ANKRD13C: variants seen among roughly 807,000 people sequenced by gnomAD.
The protein encoded by ANKRD13C is ankyrin repeat domain-containing protein 13C.
In ANKRD13C, 16 loss-of-function variants were observed where a neutral mutation model predicts 65.5. The observed-to-expected ratio is 0.24, with a 90% CI of 0.17 to 0.37. ANKRD13C has a LOEUF of 0.37. ANKRD13C is among the 10% of genes least tolerant of loss of function. The probability of loss-of-function intolerance (pLI) is 1.00; values close to 1 mark genes in which losing one functional copy is unlikely to be tolerated. For synonymous variants in ANKRD13C, 235 were observed against 238.7 expected, an observed-to-expected ratio of 0.98 and a Z score of 0.14; for missense variants, 503 against 655.9, an observed-to-expected ratio of 0.77 and a Z score of 2.55.
Position 70,261,295 on chromosome 1 carries a change from T to A in ANKRD13C, c.*1422A>T, listed in dbSNP as rs777178664. ...ACGGTTTATGCTTTGGATTTTTAAATCATATTTTCAATAAGGGTCTCTAAA... is the reference window on the plus strand; with the variant it reads ...ACGGTTTATGCTTTGGATTTTTAAAACATATTTTCAATAAGGGTCTCTAAA... On this transcript the variant is annotated 3_prime_UTR_variant, in exon 13 of 13. Transcript: ENST00000370944. The A allele has an allele frequency of 6.6e-6, 1 of 152,116 alleles. No homozygotes were observed. Among genetic ancestry groups the A allele is most frequent in the African/African-American group, 2.4e-5 (1 of 41,450 alleles). 9.4% of individuals were successfully genotyped at this position (152,116 alleles called of 1,614,324 possible). A position where few individuals can be genotyped will look rare whatever the true frequency, so the allele number is the denominator to read the frequency against.
intron 11 of ANKRD13C, among the ~76,000 whole-genome samples, chr1:70,271,667 C>A (rs1485699278): frequency 6.6e-6 from 1 of 152,028 alleles, no homozygotes; most frequent in African/African-American, 2.4e-5. Context: ...CTTTTCTGCC[C>A]GGATGCCTTT....
At chr1:70,300,106 T>A (rs1319972816) in intron 7 of ANKRD13C, among the ~76,000 whole-genome samples, 1 of 151,956 alleles carries the variant, frequency 6.6e-6, no homozygotes, top group Non-Finnish European at 1.5e-5. Context: ...ATAAAGATGG[T>A]CAACAACATT....
At chr1:70,306,322 ACTAC>A (rs1680586277) in intron 5 of ANKRD13C, 32 bp from the exon 6 acceptor site, 1 of 1,411,072 alleles carries the variant, frequency 7.1e-7, no homozygotes. Context: ...GTAAAAAATA[ACTAC>A]CTAAATTTTG....
At chr1:70,318,236 G>C (rs1312414358) in intron 3 of ANKRD13C, among the ~76,000 whole-genome samples, 1 of 152,088 alleles carries the variant, frequency 6.6e-6, no homozygotes, top group Non-Finnish European at 1.5e-5. Flanking sequence ...TAACAATGAA[G>C]ATTAAAATTA....
intron 9 of ANKRD13C, among the ~76,000 whole-genome samples, chr1:70,287,394 AAAAT>A (rs1437999654): frequency 6.6e-6 from 1 of 151,960 alleles, no homozygotes; most frequent in African/African-American, 2.4e-5. Flanking sequence ...AGGCAAAAAA[AAAAT>A]AAATAAACCT....
chr1:70,315,055 A>G (rs1412444618), intron 4 of ANKRD13C, among the ~76,000 whole-genome samples: 1 of 152,212 alleles, frequency 6.6e-6, no homozygotes, highest in Non-Finnish European at 1.5e-5. Context: ...CCTGGGTAAT[A>G]TGGTGAAACC....
At chr1:70,266,524 C>T (rs1437561253) in intron 12 of ANKRD13C, among the ~76,000 whole-genome samples, 1 of 152,132 alleles carries the variant, frequency 6.6e-6, no homozygotes, top group Non-Finnish European at 1.5e-5. Flanking sequence ...AGGTTCTTTG[C>T]CTTTCCATCC....
At chr1:70,353,338 G>A (rs180848549) in intron 1 of ANKRD13C, among the ~76,000 whole-genome samples, 1 of 152,154 alleles carries the variant, frequency 6.6e-6, no homozygotes, top group African/African-American at 2.4e-5. Flanking sequence ...ATTACTATTA[G>A]CAATTATCTA....
At chr1:70,308,216 G>C (rs777606160) in intron 5 of ANKRD13C, among the ~76,000 whole-genome samples, 1 of 151,894 alleles carries the variant, frequency 6.6e-6, no homozygotes, top group East Asian at 1.9e-4. Context: ...GGTTGGTCTT[G>C]AACTCCTAGC....
In ANKRD13C at chr1:70,354,717, T is replaced by A. The variant is rs950447088; in HGVS notation, c.-309A>T. ...AAAACAGGGCACGGCCATCTTCCTC[T>A]TGCTCCTCTCGCGAGAGCTCCCCCA... On this transcript the variant is annotated 5_prime_UTR_variant, in exon 1 of 13. The change creates a new upstream start codon in the 5' untranslated region. Transcript: ENST00000370944. 3 of 731,580 alleles carry A rather than the reference T, an allele frequency of 4.1e-6. No individual in the cohort carries two copies. Among genetic ancestry groups the A allele is most frequent in the Admixed American group, 5.9e-5 (2 of 34,088 alleles). The allele number at this position is 731,580 out of a possible 1,614,324, so 45.3% of individuals were successfully genotyped here.
At chr1:70,308,311 G>T (rs937911830) in intron 5 of ANKRD13C, among the ~76,000 whole-genome samples, 1 of 151,768 alleles carries the variant, frequency 6.6e-6, no homozygotes, top group African/African-American at 2.4e-5. Context: ...TATATCTTTT[G>T]AAGTAATTAT....
chr1:70,291,985 A>G (rs1427196205), intron 9 of ANKRD13C, among the ~76,000 whole-genome samples: 1 of 151,624 alleles, frequency 6.6e-6, no homozygotes, highest in Admixed American at 6.6e-5. Flanking sequence ...CAGGCCTGGT[A>G]GCAGGGCCTG....
chr1:70,293,935 T>A (rs1181369766), intron 8 of ANKRD13C, among the ~76,000 whole-genome samples: 2 of 152,250 alleles, frequency 1.3e-5, no homozygotes, highest in South Asian at 2.1e-4. Context: ...TGTAAAAGGA[T>A]GATAAACACA....
chr1:70,267,710 T>A (rs1257701633), intron 12 of ANKRD13C, among the ~76,000 whole-genome samples: 1 of 152,224 alleles, frequency 6.6e-6, no homozygotes, highest in African/African-American at 2.4e-5. Flanking sequence ...TTTCTTGCCA[T>A]CCTTAGGTTA....
chr1:70,305,963 G>A (rs1242092250), intron 6 of ANKRD13C: 1 of 189,782 alleles, frequency 5.3e-6, no homozygotes. Flanking sequence ...ATAGTCTGTA[G>A]TTAAATAAGA....
Position 70,281,915 on chromosome 1 carries a change from G to A in ANKRD13C, c.1216-5071C>T, listed in dbSNP as rs546204630. On this transcript the variant is annotated intron_variant, in intron 9 of 12. Coordinates refer to ENST00000370944, the MANE Select transcript of ANKRD13C (RefSeq NM_030816.5). Reference sequence around the variant, plus strand: ...CTCAAGAGGCTGAGGCAGGAGAATCGCTTGAACCCAGGAGGCAGAGGTTGC... The same window carrying A: ...CTCAAGAGGCTGAGGCAGGAGAATCACTTGAACCCAGGAGGCAGAGGTTGC... Among the ~76,000 whole-genome samples the A allele has an allele frequency of 9.3e-5, 14 of 151,196 alleles. No individual in the cohort carries two copies. The South Asian group carries it at 2.1e-3, about 23-fold the overall frequency.
chr1:70,333,681 A>G (rs188977600), intron 2 of ANKRD13C, among the ~76,000 whole-genome samples: 1 of 152,324 alleles, frequency 6.6e-6, no homozygotes, highest in East Asian at 1.9e-4. Flanking sequence ...CAGAAAGTCA[A>G]CTTAGGATCC....
chr1:70,288,392 A>G (rs2101224295), intron 9 of ANKRD13C, among the ~76,000 whole-genome samples: 1 of 152,360 alleles, frequency 6.6e-6, no homozygotes, highest in Non-Finnish European at 1.5e-5. Context: ...TTGGGCATTT[A>G]TCCCAGAGAA....
At chr1:70,303,182 C>T (rs1174503149) in intron 6 of ANKRD13C, among the ~76,000 whole-genome samples, 3 of 152,136 alleles carry the variant, frequency 2.0e-5, no homozygotes, top group South Asian at 2.1e-4. Flanking sequence ...AAGGGTAATA[C>T]ATTTTCTGTA....
Sources: allele counts gnomAD v4.1 joint callset (sites outside exome capture counted in the v4.1 genomes callset), GRCh38; gene constraint gnomAD v4.1.1; transcripts MANE v1.5; gene names NCBI Gene and HGNC (gene_info 2026-07-23, HGNC 2026-07-21).